The following PRKACB variants were observed in gnomAD, a reference collection of about 807,000 sequenced individuals.
PRKACB encodes the protein protein kinase cAMP-activated catalytic subunit beta.
PRKACB carries 16 observed loss-of-function variants against 51.4 expected under a neutral mutation model. The ratio of observed to expected loss-of-function variants is 0.31; its 90% CI spans 0.21 to 0.47. PRKACB has a LOEUF of 0.47. PRKACB is among the 20% of genes least tolerant of loss of function. PRKACB has a pLI of 1.00. For synonymous variants in PRKACB, 147 were observed against 154.4 expected (o/e 0.95, Z 0.35); for missense variants, 309 against 464.5 (o/e 0.67, Z 3.08).
chr1:84,197,917 AT>A, intron 7 of PRKACB, 93 bp downstream of exon 7: 1 of 848,638 alleles, frequency 1.2e-6, no homozygotes, highest in Non-Finnish European at 1.8e-6. Flanking sequence ...CTAATTTTAC[AT>A]TTTTAATTTG....
intron 9 of PRKACB, among the ~76,000 whole-genome samples, chr1:84,219,384 C>G (rs137984025): frequency 0.029 from 4,400 of 151,854 alleles, 242 homozygotes; most frequent in African/African-American, 0.1. Flanking sequence ...ACAACCACAC[C>G]CAGCTAATTT....
intron 1 of PRKACB, among the ~76,000 whole-genome samples, chr1:84,109,660 T>C (rs774960015): frequency 3.3e-5 from 5 of 151,926 alleles, no homozygotes; most frequent in African/African-American, 4.8e-5. Flanking sequence ...GAAAATGAGT[T>C]ACAATTTTTG....
At chr1:84,124,705 C>G (rs1156688692) in intron 1 of PRKACB, among the ~76,000 whole-genome samples, 1 of 152,138 alleles carries the variant, frequency 6.6e-6, no homozygotes, top group Non-Finnish European at 1.5e-5. Flanking sequence ...CTATCCCATG[C>G]CCTGCACCAT....
upstream of PRKACB, among the ~76,000 whole-genome samples, chr1:84,143,025 A>C (rs1204970191): frequency 6.6e-6 from 1 of 151,974 alleles, no homozygotes; most frequent in African/African-American, 2.4e-5. Flanking sequence ...TCTGCTTCCA[A>C]AGAGAACCAC....
At chr1:84,141,013 CT>C (rs1227972830), upstream of PRKACB, among the ~76,000 whole-genome samples, 2 of 151,922 alleles carry the variant, frequency 1.3e-5, no homozygotes, top group African/African-American at 2.4e-5. Context: ...TGGTAAAGTG[CT>C]TGGTAAATGT....
intron 8 of PRKACB, among the ~76,000 whole-genome samples, chr1:84,203,766 A>G (rs1670800069): frequency 6.6e-6 from 1 of 151,942 alleles, no homozygotes; most frequent in Non-Finnish European, 1.5e-5. Flanking sequence ...TCTTTATCAC[A>G]TTAGCCTGAG....
intron 9 of PRKACB, among the ~76,000 whole-genome samples, chr1:84,228,309 G>A (rs984948278): frequency 6.6e-6 from 1 of 152,132 alleles, no homozygotes; most frequent in African/African-American, 2.4e-5. Context: ...AAAACCCTTG[G>A]AGAGCTCTGG....
intron 1 of PRKACB, among the ~76,000 whole-genome samples, chr1:84,147,041 A>T (rs1006568345): frequency 2.0e-5 from 3 of 152,208 alleles, no homozygotes; most frequent in African/African-American, 7.2e-5. Flanking sequence ...CAAATTTATT[A>T]TAGTTAGCTT....
intron 1 of PRKACB, among the ~76,000 whole-genome samples, chr1:84,090,383 A>G (rs935448314): frequency 1.3e-5 from 2 of 152,200 alleles, no homozygotes; most frequent in African/African-American, 4.8e-5. Context: ...CTATTGTTCC[A>G]TCATGCAGGA....
intron 1 of PRKACB, among the ~76,000 whole-genome samples, chr1:84,106,705 A>G (rs1378313683): frequency 3.3e-5 from 5 of 152,192 alleles, no homozygotes; most frequent in African/African-American, 7.2e-5. Context: ...ATTCAATGCT[A>G]TTTCTATCAA....
intron 1 of PRKACB, among the ~76,000 whole-genome samples, chr1:84,120,454 T>C (rs774292296): frequency 2.6e-5 from 4 of 152,202 alleles, no homozygotes; most frequent in Admixed American, 6.5e-5. Context: ...GAAGAAAATA[T>C]AGGAGATGGT....
chr1:84,234,688 C>T (rs538575581), intron 9 of PRKACB, among the ~76,000 whole-genome samples: 12 of 152,352 alleles, frequency 7.9e-5, no homozygotes, highest in Non-Finnish European at 1.6e-4. Context: ...CAGGTGCCGT[C>T]TGTCACCCCT....
intron 1 of PRKACB, chr1:84,078,463 C>T: frequency 5.5e-6 from 8 of 1,466,964 alleles, no homozygotes; most frequent in South Asian, 2.5e-5. Flanking sequence ...GCCGCGGGCA[C>T]GGGCCAGGCC....
At chr1:84,202,832 T>C (rs1670514481) in intron 8 of PRKACB, 27 bp downstream of exon 8, 2 of 1,540,814 alleles carry the variant, frequency 1.3e-6, no homozygotes, top group African/African-American at 2.7e-5. Flanking sequence ...ATTATTCCTC[T>C]CTTATTACTG....
intron 1 of PRKACB, among the ~76,000 whole-genome samples, chr1:84,162,259 C>T (rs547226520): frequency 6.1e-4 from 93 of 151,992 alleles, no homozygotes; most frequent in Non-Finnish European, 1.3e-3. Context: ...TGATATGTCT[C>T]AGTGTGGATC....
intron 9 of PRKACB, among the ~76,000 whole-genome samples, chr1:84,214,886 G>A (rs944765062): frequency 4.6e-5 from 7 of 152,120 alleles, no homozygotes; most frequent in Non-Finnish European, 8.8e-5. Flanking sequence ...TGCTTGTTAC[G>A]CTTCACAAAA....
intron 1 of PRKACB, among the ~76,000 whole-genome samples, chr1:84,104,037 A>G (rs565970250): frequency 2.6e-5 from 4 of 152,302 alleles, no homozygotes; most frequent in South Asian, 4.1e-4. Context: ...TATAGTCACC[A>G]TACAGTGCTA....
chr1:84,149,986 C>T (rs1322488762), intron 1 of PRKACB, among the ~76,000 whole-genome samples: 1 of 152,000 alleles, frequency 6.6e-6, no homozygotes, highest in Non-Finnish European at 1.5e-5. Context: ...AATTTAAGGC[C>T]AGGTGTGGTG....
At chr1:84,099,599 C>T (rs1215890214) in intron 1 of PRKACB, among the ~76,000 whole-genome samples, 3 of 151,750 alleles carry the variant, frequency 2.0e-5, no homozygotes, top group African/African-American at 4.8e-5. Flanking sequence ...GAGCTAGCTA[C>T]TTAGGGGACC....
Sources: allele counts gnomAD v4.1 joint callset (sites outside exome capture counted in the v4.1 genomes callset), GRCh38; gene constraint gnomAD v4.1.1; transcripts MANE v1.5; gene names NCBI Gene and HGNC (gene_info 2026-07-23, HGNC 2026-07-21).